CLCN3: variants seen among roughly 807,000 people sequenced by gnomAD.
CLCN3 encodes H(+)/Cl(-) exchange transporter 3.
In CLCN3, 16 loss-of-function variants were observed where a neutral mutation model predicts 83.4. The ratio of observed to expected loss-of-function variants is 0.19; its 90% CI spans 0.13 to 0.29. The LOEUF (loss-of-function observed/expected upper bound fraction) is 0.29, where lower values mean the gene tolerates loss of function less well. CLCN3 is among the 10% of genes least tolerant of loss of function. CLCN3 has a pLI of 1.00. For synonymous variants in CLCN3, 322 were observed against 346.2 expected, an observed-to-expected ratio of 0.93 and a Z score of 0.78; for missense variants, 544 against 1,006.0, an observed-to-expected ratio of 0.54 and a Z score of 6.21.
intron 1 of CLCN3, among the ~76,000 whole-genome samples, chr4:169,626,354 G>A (rs1372135929): frequency 6.6e-6 from 1 of 152,190 alleles, no homozygotes; most frequent in African/African-American, 2.4e-5. Context: ...CTCCTTTTGG[G>A]TTTTTATGGA....
intron 7 of CLCN3, among the ~76,000 whole-genome samples, chr4:169,692,689 G>T (rs1364623954): frequency 1.3e-5 from 2 of 152,152 alleles, no homozygotes. Context: ...AATCTTAATA[G>T]CTATGTTTTC....
chr4:169,680,012 T>C, intron 2 of CLCN3, 38 bp from the exon 3 acceptor site: 2 of 1,539,086 alleles, frequency 1.3e-6, no homozygotes, highest in Non-Finnish European at 1.8e-6. Context: ...CTGTTGTCTC[T>C]TCTAAAACAT....
At chr4:169,700,261 G>A (rs533188514) in intron 9 of CLCN3, among the ~76,000 whole-genome samples, 9 of 152,150 alleles carry the variant, frequency 5.9e-5, no homozygotes, top group African/African-American at 1.4e-4. Context: ...TAGTTTGTTC[G>A]TTTGTTTGTT....
intron 10 of CLCN3, among the ~76,000 whole-genome samples, chr4:169,705,466 C>G (rs1312169210): frequency 3.3e-5 from 5 of 152,126 alleles, no homozygotes; most frequent in Admixed American, 3.3e-4. Context: ...AAAGTTCCTT[C>G]TTGAAGTTTT....
chr4:169,623,595 A>G lies in CLCN3; in HGVS notation c.-17+2532A>G, dbSNP rs375911733. ...ATTAATTATAGTCACCGTGGCATGC[A>G]ATAGATCTCTAAAACTTACTCCTCT... On this transcript the variant is annotated intron_variant, in intron 1 of 12. Coordinates refer to ENST00000513761, the MANE Select transcript of CLCN3 (RefSeq NM_001829.4). Among the ~76,000 whole-genome samples the G allele has an allele frequency of 2.0e-4, 30 of 152,298 alleles. 1 individual carries two copies. In the South Asian group the frequency reaches 6.2e-3, roughly 32 times the overall value.
At chr4:169,651,792 T>C (rs1730738784) in intron 2 of CLCN3, among the ~76,000 whole-genome samples, 3 of 152,154 alleles carry the variant, frequency 2.0e-5, no homozygotes, top group Admixed American at 2.0e-4. Context: ...AGATTGATTA[T>C]ACATAAAATA....
intron 2 of CLCN3, among the ~76,000 whole-genome samples, chr4:169,667,974 C>T (rs567807575): frequency 2.0e-5 from 3 of 149,986 alleles, no homozygotes; most frequent in East Asian, 2.0e-4. Context: ...CTCCTGACCT[C>T]GTGATCCACC....
At chr4:169,683,649 A>T (rs1184260514) in intron 3 of CLCN3, among the ~76,000 whole-genome samples, 1 of 151,810 alleles carries the variant, frequency 6.6e-6, no homozygotes, top group Admixed American at 6.6e-5. Context: ...CCAATCAAAT[A>T]TTTTTCAATA....
intron 11 of CLCN3, among the ~76,000 whole-genome samples, chr4:169,712,016 G>T: frequency 7.0e-6 from 1 of 142,960 alleles, no homozygotes; most frequent in African/African-American, 2.5e-5. Context: ...CAGCATGCTT[G>T]GCCGATTTTT....
intron 12 of CLCN3, among the ~76,000 whole-genome samples, chr4:169,717,315 C>A (rs72696657): frequency 1.8e-4 from 27 of 151,822 alleles, no homozygotes; most frequent in Non-Finnish European, 3.8e-4. Context: ...GTAAAATCCA[C>A]GGGAGTTTTT....
At chr4:169,655,871 A>C (rs1283381988) in intron 2 of CLCN3, among the ~76,000 whole-genome samples, 1 of 152,186 alleles carries the variant, frequency 6.6e-6, no homozygotes, top group Admixed American at 6.5e-5. Flanking sequence ...TATTTGGGTA[A>C]CCGGATAGCT....
chr4:169,636,735 G>GTTGTTTTTTTTTTTTT (rs1553965336), intron 2 of CLCN3, among the ~76,000 whole-genome samples: 7 of 119,520 alleles, frequency 5.9e-5, no homozygotes, highest in Non-Finnish European at 7.2e-5. Context: ...TCATTATTTG[G>GTTGTTTTTTTTTTTTT]TTTTTTTTTT....
At chr4:169,687,171 A>G (rs1732193668) in intron 3 of CLCN3, among the ~76,000 whole-genome samples, 1 of 152,244 alleles carries the variant, frequency 6.6e-6, no homozygotes, top group South Asian at 2.1e-4. Flanking sequence ...AGACATATAT[A>G]AAAGATGGTT....
intron 5 of CLCN3, 84 bp downstream of exon 5, chr4:169,689,314 T>A: frequency 2.6e-6 from 3 of 1,157,854 alleles, no homozygotes; most frequent in Non-Finnish European, 3.7e-6. Context: ...ACTAATCACA[T>A]ATTAGATGAT....
chr4:169,655,985 C>T (rs540262443), intron 2 of CLCN3, among the ~76,000 whole-genome samples: 1 of 151,738 alleles, frequency 6.6e-6, no homozygotes, highest in Non-Finnish European at 1.5e-5. Context: ...GAATTTCCAC[C>T]TCTTCTTTCT....
Position 169,635,940 on chromosome 4 carries a change from G to A in CLCN3, c.12G>A (p.Glu4=), listed in dbSNP as rs762761846. 6.3e-7 allele frequency: 1 copy of A among 1,593,590 alleles called. No individual in the cohort carries two copies. Among genetic ancestry groups the A allele is most frequent in the Non-Finnish European group, 8.5e-7 (1 of 1,169,908 alleles). MES[E]QLFHRGYYRN... ...AATCAGACAGCTAAATGGAGTCTGA[G>A]CAGCTGTTCCATAGAGGCTACTATA... Residue 4 remains glutamate (E), a synonymous_variant, in exon 2 of 13, where the codon GAG becomes GAA. Transcript: ENST00000513761.
chr4:169,629,633 A>G (rs937878227), intron 1 of CLCN3, among the ~76,000 whole-genome samples: 4 of 152,204 alleles, frequency 2.6e-5, no homozygotes, highest in Admixed American at 2.6e-4. Context: ...GGCCTCTTAA[A>G]GTGCCGAGAT....
chr4:169,685,966 C>T (rs1188523293), intron 3 of CLCN3, among the ~76,000 whole-genome samples: 6 of 152,060 alleles, frequency 3.9e-5, no homozygotes, highest in Non-Finnish European at 8.8e-5. Flanking sequence ...TTTAGTGGGG[C>T]GTTGTGACTT....
At chr4:169,639,997 C>T (rs552835898) in intron 2 of CLCN3, among the ~76,000 whole-genome samples, 7 of 152,264 alleles carry the variant, frequency 4.6e-5, no homozygotes, top group South Asian at 2.1e-4. Context: ...TTTATTCCCA[C>T]GTACAACATA....
Sources: gnomAD v4.1 joint callset for allele counts (sites outside exome capture counted in the v4.1 genomes callset) on GRCh38, gnomAD v4.1.1 for gene constraint, MANE v1.5 for transcripts, NCBI Gene and HGNC (gene_info 2026-07-23, HGNC 2026-07-21) for gene names.